The following GOLGA5 variants were observed in gnomAD, a reference collection of about 807,000 sequenced individuals.
GOLGA5 encodes the protein golgin subfamily A member 5.
Under a neutral mutation model 93.5 loss-of-function variants are expected in GOLGA5, and 50 were observed. The ratio of observed to expected loss-of-function variants is 0.53; its 90% confidence interval spans 0.43 to 0.68. The LOEUF is 0.68. Ranked by LOEUF, GOLGA5 falls within the 30% of genes least tolerant of loss-of-function variation. The pLI, the probability that GOLGA5 is intolerant of heterozygous loss-of-function variation, is 0.00. For synonymous variants in GOLGA5, 312 were observed against 304.5 expected, an observed-to-expected ratio of 1.02 and a Z score of -0.26; for missense variants, 760 against 856.4, an observed-to-expected ratio of 0.89 and a Z score of 1.40.
chr14:92,808,783 T>C (rs1316517446), intron 3 of GOLGA5, among the ~76,000 whole-genome samples: 2 of 151,840 alleles, frequency 1.3e-5, no homozygotes, highest in African/African-American at 2.4e-5. Context: ...CAATTACATA[T>C]GGTATGTGAG....
chr14:92,794,673 C>T (rs899933256), intron 1 of GOLGA5, among the ~76,000 whole-genome samples: 1 of 152,212 alleles, frequency 6.6e-6, no homozygotes, highest in Admixed American at 6.5e-5. Context: ...TCTCCTGACC[C>T]CTGCCTGGCC....
intron 8 of GOLGA5, 59 bp from the exon 9 acceptor site, chr14:92,824,487 T>G (rs1310144836): frequency 5.0e-6 from 4 of 802,926 alleles, no homozygotes; most frequent in Non-Finnish European, 8.6e-6. Context: ...ATTTAGGTAC[T>G]GAGGATGGAA....
At chr14:92,795,995 T>C (rs775328745) in intron 1 of GOLGA5, among the ~76,000 whole-genome samples, 7 of 152,266 alleles carry the variant, frequency 4.6e-5, no homozygotes, top group Admixed American at 6.5e-5. Context: ...TGGCACACAA[T>C]AAGTACTCAA....
chr14:92,833,993 C>CTT (rs763505759), intron 10 of GOLGA5, among the ~76,000 whole-genome samples: 1 of 131,752 alleles, frequency 7.6e-6, no homozygotes, highest in Non-Finnish European at 1.7e-5. Context: ...AGTGTCACTT[C>CTT]TTTTTTTTTT....
chr14:92,819,454 T>G (rs1885270139), intron 7 of GOLGA5, among the ~76,000 whole-genome samples: 1 of 147,052 alleles, frequency 6.8e-6, no homozygotes, highest in East Asian at 2.0e-4. Context: ...TAAAGCCATA[T>G]CCCATCTCTT....
At chr14:92,820,944 C>A (rs77730976) in intron 8 of GOLGA5, among the ~76,000 whole-genome samples, 143 of 152,264 alleles carry the variant, frequency 9.4e-4, no homozygotes, top group African/African-American at 3.4e-3. Flanking sequence ...TACATAGACA[C>A]AGTGACAGTC....
intron 7 of GOLGA5, among the ~76,000 whole-genome samples, chr14:92,816,653 C>T (rs1382150435): frequency 1.3e-5 from 2 of 152,120 alleles, no homozygotes; most frequent in Admixed American, 1.3e-4. Context: ...CCTCGAACTC[C>T]TGGGCTCAAG....
chr14:92,814,381 G>T (rs1298716108), intron 6 of GOLGA5, among the ~76,000 whole-genome samples: 1 of 152,018 alleles, frequency 6.6e-6, no homozygotes, highest in East Asian at 1.9e-4. Flanking sequence ...ACCACAGCAC[G>T]CGGCTCTGAT....
rs2140316679 is a variant in GOLGA5, at chr14:92,806,582, G to A, written c.545-154G>A. Among the ~76,000 whole-genome samples the A allele has an allele frequency of 2.0e-5, 3 of 152,232 alleles. No homozygotes were observed. The Middle Eastern group carries it at 0.01, about 518-fold the overall frequency. ...CCTGCCTCGGCCTCCCAAAATGCTGGGATTACAGGCATGAGCCACCGCGCC... is the reference window on the plus strand; with the variant it reads ...CCTGCCTCGGCCTCCCAAAATGCTGAGATTACAGGCATGAGCCACCGCGCC... On this transcript the variant is annotated intron_variant, in intron 2 of 12. Transcript: ENST00000163416.
chr14:92,830,879 C>T (rs1000807992), intron 9 of GOLGA5, among the ~76,000 whole-genome samples: 1 of 152,178 alleles, frequency 6.6e-6, no homozygotes, highest in African/African-American at 2.4e-5. Context: ...GAGTTACACA[C>T]GTGAGTCACC....
chr14:92,804,941 C>A (rs1260636197), intron 2 of GOLGA5, among the ~76,000 whole-genome samples: 1 of 152,178 alleles, frequency 6.6e-6, no homozygotes, highest in Non-Finnish European at 1.5e-5. Context: ...CCACCACGCC[C>A]TGCCAACACT....
At chr14:92,838,412 G>A (rs1162213738) in intron 12 of GOLGA5, among the ~76,000 whole-genome samples, 1 of 151,778 alleles carries the variant, frequency 6.6e-6, no homozygotes, top group Non-Finnish European at 1.5e-5. Flanking sequence ...CTGTCACCCA[G>A]GCTGGAGTGC....
chr14:92,838,767 G>T (rs111300030), intron 12 of GOLGA5, among the ~76,000 whole-genome samples: 2 of 152,154 alleles, frequency 1.3e-5, no homozygotes, highest in Admixed American at 1.3e-4. Flanking sequence ...GATTTCCCAG[G>T]TGTTAGTGAT....
At chr14:92,806,644 A>G in intron 2 of GOLGA5, 92 bp from the exon 3 acceptor site, 1 of 817,232 alleles carries the variant, frequency 1.2e-6, no homozygotes, top group Non-Finnish European at 2.1e-6. Context: ...TTTTAGCTGT[A>G]GCAGTCAACT....
At chr14:92,810,492 TTC>T (rs750622732) in intron 5 of GOLGA5, 115 bp downstream of exon 5, 218 of 706,184 alleles carry the variant, frequency 3.1e-4, no homozygotes, top group Admixed American at 1.0e-3. Context: ...TTTCAGAAAA[TTC>T]TGTTTCTGTG....
chr14:92,829,308 T>A (rs1879358407), intron 9 of GOLGA5, among the ~76,000 whole-genome samples: 1 of 152,078 alleles, frequency 6.6e-6, no homozygotes, highest in African/African-American at 2.4e-5. Flanking sequence ...ATTGCTGCCA[T>A]AGATTCCTTA....
intron 7 of GOLGA5, among the ~76,000 whole-genome samples, chr14:92,817,098 A>G (rs1241950396): frequency 6.6e-6 from 1 of 151,542 alleles, no homozygotes; most frequent in East Asian, 1.9e-4. Context: ...GCGCCACCAC[A>G]CCTGGCTAAT....
intron 8 of GOLGA5, among the ~76,000 whole-genome samples, chr14:92,823,294 T>TAA (rs1885351690): frequency 6.6e-6 from 1 of 152,188 alleles, no homozygotes; most frequent in South Asian, 2.1e-4. Flanking sequence ...TTTTGTTCTC[T>TAA]TCCATTAGTC....
chr14:92,794,550 C>T (rs529523064), intron 1 of GOLGA5, 94 bp downstream of exon 1: 1 of 152,458 alleles, frequency 6.6e-6, no homozygotes, highest in African/African-American at 2.4e-5. Context: ...CCTGGTCTCT[C>T]CGTTTTCTTT....
Sources: allele counts gnomAD v4.1 joint callset (sites outside exome capture counted in the v4.1 genomes callset), GRCh38; gene constraint gnomAD v4.1.1; transcripts MANE v1.5; gene names NCBI Gene and HGNC (gene_info 2026-07-23, HGNC 2026-07-21).